Variants in RBM41 observed in about 807,000 individuals in gnomAD.
RBM41 encodes the protein RNA-binding protein 41.
Under a neutral mutation model 30.8 loss-of-function variants are expected in RBM41, and 14 were observed. The ratio of observed to expected loss-of-function variants is 0.45; its 90% CI spans 0.30 to 0.71. The LOEUF is 0.71. Ranked by LOEUF, RBM41 falls within the 30% of genes least tolerant of loss-of-function variation. The pLI is 0.08. For synonymous variants in RBM41, 120 were observed against 110.1 expected (o/e 1.09, Z -0.56); for missense variants, 276 against 326.3 (o/e 0.85, Z 1.19).
At chrX:107,083,465 T>G (rs1274952212) in intron 6 of RBM41, among the ~76,000 whole-genome samples, 1 of 111,461 alleles carries the variant, frequency 9.0e-6, no homozygotes, top group East Asian at 2.8e-4. Flanking sequence ...TGGAAAATTC[T>G]CATCCATTAC....
At chrX:107,115,073 T>C (rs770403412) in intron 4 of RBM41, 25 of 326,604 alleles carry the variant, frequency 7.7e-5, no homozygotes, top group Non-Finnish European at 9.6e-5. Flanking sequence ...CATCAGGAGT[T>C]AGTATAAATG....
chrX:107,078,333 C>T (rs1449828313), intron 6 of RBM41, among the ~76,000 whole-genome samples: 1 of 111,003 alleles, frequency 9.0e-6, no homozygotes, highest in East Asian at 2.8e-4. Context: ...TTATGCTCTC[C>T]CTCCCTGAGG....
chrX:107,086,321 C>A lies in RBM41; in HGVS notation c.999+2115G>T, dbSNP rs188512877. On this transcript the variant is annotated intron_variant, in intron 6 of 7. Coordinates refer to ENST00000685964, the MANE Select transcript of RBM41 (RefSeq NM_001324242.2). ...TTCTTAAATTGTTACTCTCGACCAGCAGGATCAGAATCTCTTGGGAACTTG... is the reference window on the plus strand; with the variant it reads ...TTCTTAAATTGTTACTCTCGACCAGAAGGATCAGAATCTCTTGGGAACTTG... Among the ~76,000 whole-genome samples, 17 of 111,263 alleles carry A rather than the reference C, an allele frequency of 1.5e-4. No individual in the cohort carries two copies. In the East Asian group the frequency reaches 4.2e-3, roughly 28 times the overall value.
chrX:107,105,582 A>G (rs1271451393), intron 5 of RBM41, among the ~76,000 whole-genome samples: 1 of 111,197 alleles, frequency 9.0e-6, no homozygotes, highest in Admixed American at 9.6e-5. Context: ...GCCAAAAGAA[A>G]AAGCTGGAGG....
At chrX:107,073,660 A>G (rs1936142679) in intron 6 of RBM41, among the ~76,000 whole-genome samples, 1 of 112,117 alleles carries the variant, frequency 8.9e-6, no homozygotes, top group Non-Finnish European at 1.9e-5. Flanking sequence ...AGGAAAGGAA[A>G]TCAGTATATT....
rs1463195515 is a variant in RBM41 at position 107,066,769 on chromosome X, C to T, written c.*758G>A. 6.7e-6 allele frequency: 5 copies of T among 743,890 alleles called. No homozygotes were observed. The highest frequency in any genetic ancestry group is 7.9e-6 in the Non-Finnish European group (5 of 631,639). 61.3% of individuals were successfully genotyped at this position (743,890 alleles called of 1,213,427 possible). On this transcript the variant is annotated 3_prime_UTR_variant, in exon 8 of 8. Transcript: ENST00000685964. ...CTAGAGAACGCTTTATTTCCATTTC[C>T]GTTTGGCATTCTTTGCTTGTATGTT...
rs1474171045 is a variant in RBM41, at chrX:107,069,244, A to G, written c.1147+11T>C. 2.5e-6 allele frequency: 3 copies of G among 1,195,540 alleles called. No homozygotes were observed. Among genetic ancestry groups the G allele is most frequent in the Non-Finnish European group, 3.4e-6 (3 of 885,791 alleles). On this transcript the variant is annotated intron_variant, in intron 7 of 7. Transcript: ENST00000685964. ...GGGCAACTGAGTAATCATCTGGATG[A>G]AACTACTTACTGGGAAAGGTGATAA...
intron 5 of RBM41, among the ~76,000 whole-genome samples, chrX:107,105,927 C>T (rs1164604351): frequency 5.4e-5 from 6 of 111,579 alleles, no homozygotes; most frequent in African/African-American, 2.0e-4. Flanking sequence ...AGAAGAAAAC[C>T]TAGGCAATAC....
chrX:107,103,126 T>G (rs1923605432), intron 5 of RBM41, among the ~76,000 whole-genome samples: 1 of 111,042 alleles, frequency 9.0e-6, no homozygotes, highest in African/African-American at 3.3e-5. Flanking sequence ...TTGGGGATGT[T>G]ATGTATTTTG....
intron 1 of RBM41, 127 bp from the exon 2 acceptor site, chrX:107,116,893 G>T: frequency 1.6e-6 from 1 of 644,899 alleles, no homozygotes. Context: ...ACAATTCATT[G>T]CCCTTTACCA....
chrX:107,118,801 G>C lies in RBM41; in HGVS notation c.-28C>G, dbSNP rs1925109738. Reference sequence around the variant, plus strand: ...TTCCACAGGCCCCTACCTCCAACTTGGGTAAATAGGCCGCGGACCTCAAGT... The same window carrying C: ...TTCCACAGGCCCCTACCTCCAACTTCGGTAAATAGGCCGCGGACCTCAAGT... On this transcript the variant is annotated 5_prime_UTR_variant, in exon 1 of 8. Transcript: ENST00000685964. 1 of 1,208,863 alleles carries C rather than the reference G, an allele frequency of 8.3e-7. No individual in the cohort carries two copies. The highest frequency in any genetic ancestry group is 1.1e-6 in the Non-Finnish European group (1 of 894,858).
intron 5 of RBM41, 135 bp from the exon 6 acceptor site, chrX:107,088,974 G>A (rs1223919988): frequency 5.6e-6 from 5 of 885,745 alleles, no homozygotes; most frequent in Non-Finnish European, 6.1e-6. Flanking sequence ...TGTGACAAAT[G>A]ACAATGGTAA....
At chrX:107,108,099 G>C (rs1924167519) in intron 5 of RBM41, among the ~76,000 whole-genome samples, 1 of 111,440 alleles carries the variant, frequency 9.0e-6, no homozygotes. Flanking sequence ...CAAAAGTACA[G>C]ACTTTTGTGT....
chrX:107,090,277 G>A (rs763443435), intron 5 of RBM41, among the ~76,000 whole-genome samples: 83 of 111,245 alleles, frequency 7.5e-4, no homozygotes, highest in Non-Finnish European at 1.2e-3. Context: ...GGGAGGCTGA[G>A]GCAGGAGAAT....
Position 107,065,725 on chromosome X carries a change from C to G in RBM41, c.*1802G>C. 8.7e-7 allele frequency: 1 copy of G among 1,152,440 alleles called. No individual in the cohort carries two copies. Among genetic ancestry groups the G allele is most frequent in the South Asian group, 2.0e-5 (1 of 49,739 alleles). 95.0% of individuals were successfully genotyped at this position (1,152,440 alleles called of 1,213,427 possible). On this transcript the variant is annotated 3_prime_UTR_variant, in exon 8 of 8. Coordinates refer to ENST00000685964, the MANE Select transcript of RBM41 (RefSeq NM_001324242.2). ...ACCATCTGGAGTCAGTTCTTTAGTA[C>G]AAGACAGTTTTGCTTCCACTCAGCT...
At chrX:107,055,540 G>A in the RBM41 span, among the ~76,000 whole-genome samples, 11 of 111,965 alleles carry the variant, frequency 9.8e-5, no homozygotes, top group Non-Finnish European at 1.7e-4. Flanking sequence ...TACTCAGGAT[G>A]GTCTCTATCT....
intron 5 of RBM41, among the ~76,000 whole-genome samples, chrX:107,092,659 G>GT (rs1179081254): frequency 9.0e-6 from 1 of 111,380 alleles, no homozygotes; most frequent in Non-Finnish European, 1.9e-5. Flanking sequence ...AATTAGGAAG[G>GT]GTATAAGATA....
intron 5 of RBM41, among the ~76,000 whole-genome samples, chrX:107,099,470 TACAA>T (rs772559828): frequency 2.7e-5 from 3 of 112,122 alleles, no homozygotes; most frequent in African/African-American, 9.7e-5. Context: ...TGGACAAAGA[TACAA>T]ACAGACGGAA....
chrX:107,073,646 C>A (rs1936142400), intron 6 of RBM41, among the ~76,000 whole-genome samples: 1 of 111,637 alleles, frequency 9.0e-6, no homozygotes, highest in Non-Finnish European at 1.9e-5. Flanking sequence ...GAGAATTTAT[C>A]CAAAGGAAAG....
Sources: gnomAD v4.1 joint callset for allele counts (sites outside exome capture counted in the v4.1 genomes callset) on GRCh38, gnomAD v4.1.1 for gene constraint, MANE v1.5 for transcripts, NCBI Gene and HGNC (gene_info 2026-07-23, HGNC 2026-07-21) for gene names.